Variants in METTL15 observed in about 807,000 individuals in gnomAD.
The protein encoded by METTL15 is 12S rRNA N(4)-cytidine methyltransferase METTL15.
METTL15 carries 34 observed loss-of-function variants against 38.3 expected under a neutral mutation model. The ratio of observed to expected loss-of-function variants is 0.89; its 90% CI spans 0.68 to 1.18. METTL15 has a LOEUF of 1.18. METTL15 is among the 50% of genes most tolerant of loss of function. The probability of loss-of-function intolerance (pLI) is 0.00; values close to 1 mark genes in which losing one functional copy is unlikely to be tolerated. For synonymous variants in METTL15, 162 were observed against 170.9 expected (o/e 0.95, Z 0.41); for missense variants, 438 against 498.4 (o/e 0.88, Z 1.15).
intron 6 of METTL15, among the ~76,000 whole-genome samples, chr11:28,312,472 G>A (rs1465259566): frequency 1.3e-5 from 2 of 152,172 alleles, no homozygotes; most frequent in Non-Finnish European, 2.9e-5. Flanking sequence ...GGACATAAAA[G>A]TTGTTGACTT....
chr11:28,384,169 C>T (rs1850416832), intron 5 of METTL15, among the ~76,000 whole-genome samples: 1 of 152,140 alleles, frequency 6.6e-6, no homozygotes, highest in Admixed American at 6.6e-5. Context: ...CAAAGTATTC[C>T]ATGGTGTATA....
intron 3 of METTL15, among the ~76,000 whole-genome samples, chr11:28,351,882 A>C (rs1206066517): frequency 6.6e-6 from 1 of 152,232 alleles, no homozygotes; most frequent in Non-Finnish European, 1.5e-5. Context: ...AAACTTAGCT[A>C]GGAGGTTCAC....
chr11:28,407,466 G>GA (rs1227661582), intron 5 of METTL15, among the ~76,000 whole-genome samples: 3 of 151,472 alleles, frequency 2.0e-5, no homozygotes, highest in South Asian at 2.1e-4. Flanking sequence ...AAATTTGCAA[G>GA]AAAAAAAACA....
chr11:28,143,616 T>C (rs540054795), intron 3 of METTL15, among the ~76,000 whole-genome samples: 1 of 152,258 alleles, frequency 6.6e-6, no homozygotes, highest in South Asian at 2.1e-4. Flanking sequence ...CAGTGGATGA[T>C]AGGGAAAGAA....
At chr11:28,511,603 C>T (rs1046108948) in intron 6 of METTL15, among the ~76,000 whole-genome samples, 10 of 152,128 alleles carry the variant, frequency 6.6e-5, no homozygotes, top group Middle Eastern at 3.4e-3. Context: ...AGTGAAGCTG[C>T]GGACCTTCGC....
chr11:28,319,373 T>G (rs188641736), intron 6 of METTL15, among the ~76,000 whole-genome samples: 1 of 152,178 alleles, frequency 6.6e-6, no homozygotes, highest in Non-Finnish European at 1.5e-5. Flanking sequence ...TGCTTTGTTT[T>G]GAGCACCCAG....
rs1851373928 is a variant in METTL15, at chr11:28,479,167, ATTTTG to A, written c.*425-47306_*425-47302del. On this transcript the variant is annotated intron_variant and NMD_transcript_variant, in intron 6 of 7. Transcript: ENST00000532947. ...AAGAATAAAGGAAAGGGTTGTTGCT[ATTTTG>A]TTTTATTTGTTGATTCTTTAAATAA... Among the ~76,000 whole-genome samples, 9 of 151,866 alleles carry A rather than the reference ATTTTG, an allele frequency of 5.9e-5. No homozygotes were observed. In the South Asian group the frequency reaches 1.9e-3, roughly 32 times the overall value.
At chr11:28,199,764 T>TG (rs1252286248) in intron 3 of METTL15, among the ~76,000 whole-genome samples, 3 of 151,498 alleles carry the variant, frequency 2.0e-5, no homozygotes, top group Admixed American at 1.3e-4. Flanking sequence ...TTTTTTGAGA[T>TG]GGAGTCTCGC....
At chr11:28,395,709 C>A (rs958466194) in intron 5 of METTL15, among the ~76,000 whole-genome samples, 1 of 152,118 alleles carries the variant, frequency 6.6e-6, no homozygotes, top group Non-Finnish European at 1.5e-5. Flanking sequence ...CTATTCCAAT[C>A]AATACAAAAC....
At chr11:28,155,461 T>G (rs1406865014) in intron 3 of METTL15, among the ~76,000 whole-genome samples, 1 of 152,192 alleles carries the variant, frequency 6.6e-6, no homozygotes, top group African/African-American at 2.4e-5. Flanking sequence ...ATGCATCCTT[T>G]CTCTCTTTAC....
At chr11:28,196,830 A>C (rs1204257627) in intron 3 of METTL15, among the ~76,000 whole-genome samples, 1 of 152,036 alleles carries the variant, frequency 6.6e-6, no homozygotes, top group Non-Finnish European at 1.5e-5. Flanking sequence ...GAGATATTTC[A>C]AATGCCTGTT....
chr11:28,363,612 A>T (rs1850160603), intron 5 of METTL15, among the ~76,000 whole-genome samples: 1 of 152,150 alleles, frequency 6.6e-6, no homozygotes, highest in African/African-American at 2.4e-5. Context: ...ATAGTTTGCA[A>T]ATATTTTCTT....
intron 4 of METTL15, among the ~76,000 whole-genome samples, chr11:28,234,573 TC>T (rs1422876888): frequency 6.6e-6 from 1 of 151,894 alleles, no homozygotes; most frequent in African/African-American, 2.4e-5. Context: ...GAGCATTTTT[TC>T]ATGTGTCTTT....
intron 6 of METTL15, among the ~76,000 whole-genome samples, chr11:28,500,017 T>A (rs2133489468): frequency 6.6e-6 from 1 of 152,212 alleles, no homozygotes; most frequent in African/African-American, 2.4e-5. Flanking sequence ...TATTTTTTTT[T>A]TTTTTGTCTG....
chr11:28,456,420 T>A (rs1047135805), intron 6 of METTL15, among the ~76,000 whole-genome samples: 2 of 151,772 alleles, frequency 1.3e-5, no homozygotes, highest in African/African-American at 4.8e-5. Flanking sequence ...CCCCCAGGGT[T>A]GTTTTTTTTT....
At chr11:28,457,364 A>G (rs1236520289) in intron 6 of METTL15, among the ~76,000 whole-genome samples, 1 of 152,220 alleles carries the variant, frequency 6.6e-6, no homozygotes, top group Non-Finnish European at 1.5e-5. Context: ...TTTTAAAAAA[A>G]TCCTCTAAGT....
intron 4 of METTL15, among the ~76,000 whole-genome samples, chr11:28,221,648 G>A (rs1422788147): frequency 6.6e-6 from 1 of 152,082 alleles, no homozygotes; most frequent in Non-Finnish European, 1.5e-5. Context: ...AGAATTTCCA[G>A]TTTTTCTGCT....
At chr11:28,506,158 G>C (rs4359193) in intron 6 of METTL15, among the ~76,000 whole-genome samples, 68,607 of 151,978 alleles carry the variant, frequency 0.45, 16,048 homozygotes, top group Admixed American at 0.54. Context: ...TGTACTCTCC[G>C]CTTGCCTCTG....
At chr11:28,157,581 A>G (rs899635940) in intron 3 of METTL15, among the ~76,000 whole-genome samples, 30 of 152,246 alleles carry the variant, frequency 2.0e-4, no homozygotes, top group African/African-American at 6.7e-4. Flanking sequence ...ACATTTGACT[A>G]TATGTCATCA....
Sources: gnomAD v4.1 joint callset for allele counts (sites outside exome capture counted in the v4.1 genomes callset) on GRCh38, gnomAD v4.1.1 for gene constraint, MANE v1.5 for transcripts, NCBI Gene and HGNC (gene_info 2026-07-23, HGNC 2026-07-21) for gene names.